The following TP73 variants were observed in gnomAD, a reference collection of about 807,000 sequenced individuals.
The protein encoded by TP73 is p53-like transcription factor.
In TP73, 25 loss-of-function variants were observed where a neutral mutation model predicts 62.5. The observed-to-expected ratio is 0.40, with a 90% CI of 0.29 to 0.56. TP73 has a LOEUF of 0.56. TP73 is among the 20% of genes least tolerant of loss of function. The pLI, the probability that TP73 is intolerant of heterozygous loss-of-function variation, is 0.46. For synonymous variants in TP73, 423 were observed against 377.5 expected (o/e 1.12, Z -1.40); for missense variants, 754 against 913.3 (o/e 0.83, Z 2.25).
In TP73 at chr1:3,723,951, G is replaced by A. The variant is rs538812714; in HGVS notation, c.732+482G>A. The stretch of plus-strand genomic sequence containing the variant: ...GGAAAGACTCCTAGGCCAGGCCAGG[G>A]GCCCAGGAGAGGTGGCCTGCAGGAG... On this transcript the variant is annotated intron_variant, in intron 6 of 13. Coordinates refer to ENST00000378295, the MANE Select transcript of TP73 (RefSeq NM_005427.4). Among the ~76,000 whole-genome samples the A allele has an allele frequency of 6.4e-4, 98 of 152,276 alleles. 2 individuals carry two copies. The South Asian group carries it at 0.018, about 28-fold the overall frequency.
At chr1:3,678,341 C>T (rs187031331) in intron 1 of TP73, among the ~76,000 whole-genome samples, 145 of 152,364 alleles carry the variant, frequency 9.5e-4, no homozygotes, top group Non-Finnish European at 1.6e-3. Context: ...CACATACTCC[C>T]CCTGCCCCAG....
At chr1:3,723,692 C>T (rs191069914) in intron 6 of TP73, among the ~76,000 whole-genome samples, 199 of 152,338 alleles carry the variant, frequency 1.3e-3, no homozygotes, top group African/African-American at 4.2e-3. Context: ...TCCCCACATC[C>T]GCCTCGGGCA....
At chr1:3,691,353 C>A (rs1377910830) in intron 3 of TP73, among the ~76,000 whole-genome samples, 2 of 152,160 alleles carry the variant, frequency 1.3e-5, no homozygotes, top group Non-Finnish European at 2.9e-5. Context: ...CCCTAGAAGT[C>A]ATCTTTGCTC....
At chr1:3,655,191 A>G (rs60453085) in intron 1 of TP73, among the ~76,000 whole-genome samples, 4,117 of 152,346 alleles carry the variant, frequency 0.027, 204 homozygotes, top group East Asian at 0.23. Flanking sequence ...GTTCAAGACC[A>G]GCCTGGGCAA....
intron 1 of TP73, among the ~76,000 whole-genome samples, chr1:3,679,807 C>G (rs1645473844): frequency 7.3e-6 from 1 of 137,034 alleles, no homozygotes; most frequent in South Asian, 2.4e-4. Context: ...TTGTCCCTGT[C>G]TCTCTGTCTC....
chr1:3,687,090 C>T (rs1440435350), intron 3 of TP73, among the ~76,000 whole-genome samples: 1 of 152,204 alleles, frequency 6.6e-6, no homozygotes, highest in Non-Finnish European at 1.5e-5. Flanking sequence ...ACAGTTCCTG[C>T]CTGAGCTGTC....
Position 3,721,952 on chromosome 1 carries a change from T to C in TP73, c.430-69T>C, listed in dbSNP as rs1452743229. On this transcript the variant is annotated intron_variant, in intron 4 of 13. Coordinates refer to ENST00000378295, the MANE Select transcript of TP73 (RefSeq NM_005427.4). ...CCCATGGGGAGGACGTGGCTCCCAATGGGGGGTGGCCTGGACAGGGGTGCA... is the reference window on the plus strand; with the variant it reads ...CCCATGGGGAGGACGTGGCTCCCAACGGGGGGTGGCCTGGACAGGGGTGCA... 3 of 1,494,222 alleles carry C rather than the reference T, an allele frequency of 2.0e-6. No homozygotes were observed. In the African/African-American group the frequency reaches 4.2e-5, roughly 21 times the overall value. 92.6% of individuals were successfully genotyped at this position (1,494,222 alleles called of 1,614,324 possible).
At chr1:3,657,977 G>A (rs1557478141) in intron 1 of TP73, among the ~76,000 whole-genome samples, 2 of 152,220 alleles carry the variant, frequency 1.3e-5, no homozygotes, top group East Asian at 3.8e-4. Context: ...CCTGGCCGTG[G>A]GTGCTACAGA....
rs951140078 is a variant in TP73 at position 3,699,794 on chromosome 1, G to A, written c.187-7755G>A. 6.6e-6 allele frequency among the ~76,000 whole-genome samples: 1 copy of A among 152,214 alleles called. No homozygotes were observed. The highest frequency in any genetic ancestry group is 2.1e-4 in the South Asian group (1 of 4,832). ...CGAGGGAGGCGGAGGTGGAGCTGGGGAGGGGCCAGCGGGGCGTCAGGATTT... is the reference window on the plus strand; with the variant it reads ...CGAGGGAGGCGGAGGTGGAGCTGGGAAGGGGCCAGCGGGGCGTCAGGATTT... On this transcript the variant is annotated intron_variant, in intron 3 of 13. Transcript: ENST00000378295. This position sits in a 1 kb window ranked among gnomAD's most constrained non-coding sequence, Gnocchi z 4.1.
In TP73 at chr1:3,723,372, G is replaced by A. The variant is rs748944902; in HGVS notation, c.635G>A (p.Ser212Asn). ...DFNEGQSAPASHLIRVEGNNL... is the reference protein window; with the variant it reads ...DFNEGQSAPANHLIRVEGNNL... Reference sequence around the variant, plus strand: ...CCGGCAGGACAGTCTGCTCCAGCCAGCCACCTCATCCGCGTGGAAGGCAAT... The same window carrying A: ...CCGGCAGGACAGTCTGCTCCAGCCAACCACCTCATCCGCGTGGAAGGCAAT... The change falls in exon 6 of 14, where the codon AGC becomes AAC. Residue 212 changes from serine to asparagine, a missense_variant. Physicochemically the swap from Ser to Asn is conservative, Grantham distance 46 (BLOSUM62 1). Around this residue, in one of 3 missense-constraint regions of TP73, gnomAD observed 61 missense variants for 133.2 expected, o/e 0.46. Coordinates refer to ENST00000378295, the MANE Select transcript of TP73 (RefSeq NM_005427.4). 22 of 1,612,568 alleles carry A rather than the reference G, an allele frequency of 1.4e-5. No homozygotes were observed. Among genetic ancestry groups the A allele is most frequent in the Non-Finnish European group, 1.9e-5 (22 of 1,179,820 alleles).
chr1:3,674,925 T>TTCTGGGA (rs1352781327), intron 1 of TP73, among the ~76,000 whole-genome samples: 7 of 152,204 alleles, frequency 4.6e-5, no homozygotes, highest in Non-Finnish European at 1.0e-4. Flanking sequence ...GCGGGGGCTC[T>TTCTGGGA]TCTGGGTTCT....
intron 1 of TP73, among the ~76,000 whole-genome samples, chr1:3,667,530 C>T (rs1557489373): frequency 6.6e-6 from 1 of 152,134 alleles, no homozygotes; most frequent in Non-Finnish European, 1.5e-5. Context: ...GCGGGTGGAT[C>T]ATGAGGTCAG....
In TP73 at chr1:3,699,875, A is replaced by G. The variant is rs993491796; in HGVS notation, c.187-7674A>G. On this transcript the variant is annotated intron_variant, in intron 3 of 13. Coordinates refer to ENST00000378295, the MANE Select transcript of TP73 (RefSeq NM_005427.4). The surrounding 1 kb of genome is among the most constrained non-coding windows in gnomAD (Gnocchi z 4.1). ...TGCCTCCCTCTCTGACTCGGATCCT[A>G]AGTGATTAGGATCAGAGGAATCTCT... Among the ~76,000 whole-genome samples the G allele has an allele frequency of 5.9e-5, 9 of 151,956 alleles. No homozygotes were observed. The highest frequency in any genetic ancestry group is 1.0e-4 in the Non-Finnish European group (7 of 67,966).
intron 1 of TP73, among the ~76,000 whole-genome samples, chr1:3,667,321 T>C (rs577226776): frequency 6.6e-6 from 1 of 152,358 alleles, no homozygotes; most frequent in East Asian, 1.9e-4. Flanking sequence ...TCTCGGACTC[T>C]GACCTACAGA....
At chr1:3,721,979 T>C in intron 4 of TP73, 42 bp from the exon 5 acceptor site, 5 of 1,554,534 alleles carry the variant, frequency 3.2e-6, no homozygotes, top group South Asian at 1.2e-5. Flanking sequence ...AGGGGTGCAG[T>C]TGGGACCACT....
rs1645110061 is a variant in TP73, at chr1:3,666,170, A to C, written c.-34+13529A>C. 6.8e-6 allele frequency among the ~76,000 whole-genome samples: 1 copy of C among 147,738 alleles called. No individual in the cohort carries two copies. On this transcript the variant is annotated intron_variant, in intron 1 of 13. Transcript: ENST00000378295. This position sits in a 1 kb window ranked among gnomAD's most constrained non-coding sequence, Gnocchi z 6.4. ...AAAAAAAGAGAGAGAGAGAGAGAGA[A>C]TCTCACTCTGCAGCCTAGGCTGGTG...
intron 11 of TP73, 95 bp downstream of exon 11, chr1:3,730,243 G>A (rs1642026620): frequency 1.5e-6 from 2 of 1,343,732 alleles, no homozygotes; most frequent in Admixed American, 6.1e-5. Context: ...GGGACCCAGG[G>A]CAGGTGTCTC....
At chr1:3,664,068 C>T (rs1645058062) in intron 1 of TP73, among the ~76,000 whole-genome samples, 1 of 152,222 alleles carries the variant, frequency 6.6e-6, no homozygotes, top group African/African-American at 2.4e-5. Context: ...GGGACCACAC[C>T]TGAGAACCCC....
rs1645028630 is a variant in TP73 at position 3,662,904 on chromosome 1, C to T, written c.-34+10263C>T. On this transcript the variant is annotated intron_variant, in intron 1 of 13. Transcript: ENST00000378295. The surrounding 1 kb of genome is among the most constrained non-coding windows in gnomAD (Gnocchi z 4.4). ...CTGCCTCTTCCAGCAGCTCCGAGCG[C>T]TCTCAGAGAAAAACGAAATTCTCTT... 6.6e-6 allele frequency among the ~76,000 whole-genome samples: 1 copy of T among 152,262 alleles called. No homozygotes were observed. The highest frequency in any genetic ancestry group is 1.5e-5 in the Non-Finnish European group (1 of 68,054).
Sources: gnomAD v4.1 joint callset for allele counts (sites outside exome capture counted in the v4.1 genomes callset) on GRCh38, gnomAD v4.1.1 for gene constraint, gnomAD v4.1.1 regional missense constraint, Gnocchi (gnomAD v3.1) non-coding constraint, MANE v1.5 for transcripts, NCBI Gene and HGNC (gene_info 2026-07-23, HGNC 2026-07-21) for gene names.